Variants in ABCC8 observed in about 807,000 individuals in gnomAD.
ABCC8 encodes the protein ATP binding cassette subfamily C member 8, also known as ATP-binding cassette sub-family C member 8.
Under a neutral mutation model 188.0 loss-of-function variants are expected in ABCC8, and 137 were observed. The ratio of observed to expected loss-of-function variants is 0.73; its 90% CI spans 0.63 to 0.84. The LOEUF is 0.84. ABCC8 is among the 40% of genes least tolerant of loss of function. The pLI, the probability that ABCC8 is intolerant of heterozygous loss-of-function variation, is 0.00. For missense variants in ABCC8, 1,750 were observed against 2,072.7 expected, an observed-to-expected ratio of 0.84 and a Z score of 3.02; for synonymous variants, 797 against 846.5, an observed-to-expected ratio of 0.94 and a Z score of 1.01.
intron 6 of ABCC8, among the ~76,000 whole-genome samples, chr11:17,457,368 G>A (rs1385355240): frequency 6.6e-6 from 1 of 152,052 alleles, no homozygotes; most frequent in Non-Finnish European, 1.5e-5. Flanking sequence ...GAACTCATTC[G>A]GAAACACATA....
rs776122453 is a variant in ABCC8, at chr11:17,461,654, C to T, written c.751G>A (p.Gly251Arg). ...GCCCTCATGGCGATGGGCAGCTTCC[C>T]GATGGCTCGCAAGTCGATGGGCTTC... ...HKKPIDLRAI[G>R]KLPIAMRALT... The change falls in exon 5 of 39, where the codon GGG becomes AGG. Residue 251 changes from glycine to arginine, a missense_variant. By Grantham distance (125) the Gly-to-Arg change is moderately radical (BLOSUM62 -2). Coordinates refer to ENST00000389817, the MANE Select transcript of ABCC8 (RefSeq NM_000352.6). 1.7e-5 allele frequency: 27 copies of T among 1,614,246 alleles called. No individual in the cohort carries two copies. Among genetic ancestry groups the T allele is most frequent in the Non-Finnish European group, 2.1e-5 (25 of 1,180,044 alleles).
In ABCC8 at chr11:17,394,402, G is replaced by C; in HGVS notation, c.4412-3C>G. 8.7e-6 allele frequency: 14 copies of C among 1,614,216 alleles called. No individual in the cohort carries two copies. Among genetic ancestry groups the C allele is most frequent in the Non-Finnish European group, 1.1e-5 (13 of 1,180,052 alleles). On this transcript the variant is annotated splice_region_variant and splice_polypyrimidine_tract_variant and intron_variant, in intron 36 of 38. Transcript: ENST00000389817. Reference sequence around the variant, plus strand: ...CCCGCCTTCTGTGATGATGGCATCTGAAAACAGCCCGGGGAGATGAAGTAG... The same window carrying C: ...CCCGCCTTCTGTGATGATGGCATCTCAAAACAGCCCGGGGAGATGAAGTAG...
chr11:17,396,744 G>C, intron 33 of ABCC8, 172 bp downstream of exon 33: 2 of 788,286 alleles, frequency 2.5e-6, no homozygotes, highest in South Asian at 3.5e-5. Context: ...GCAATAGAAG[G>C]AGAGGAAAGA....
Position 17,460,602 on chromosome 11 carries a change from C to T in ABCC8, c.897G>A (p.Leu299=), listed in dbSNP as rs2133674894. 4 of 1,613,380 alleles carry T rather than the reference C, an allele frequency of 2.5e-6. No individual in the cohort carries two copies. The highest frequency in any genetic ancestry group is 3.4e-6 in the Non-Finnish European group (4 of 1,180,046). ...AGATGCGGAAAGTGCTGCTGAGGAC[C>T]AGGCGCCTCCCGAAGGCATGGCTGA... The part of the protein sequence containing the change: ...QALSHAFGRR[L]VLSSTFRILA... Residue 299 remains leucine, a synonymous_variant, in exon 6 of 39, where the codon CTG becomes CTA. Coordinates refer to ENST00000389817, the MANE Select transcript of ABCC8 (RefSeq NM_000352.6).
chr11:17,409,633 CAGAGCCAT>C (rs1459021931), intron 22 of ABCC8, among the ~76,000 whole-genome samples: 1 of 152,096 alleles, frequency 6.6e-6, no homozygotes, highest in Non-Finnish European at 1.5e-5. Flanking sequence ...GGAAAATAAG[CAGAGCCAT>C]TTGGCACCAG....
At chr11:17,437,904 G>A (rs1432870135) in intron 10 of ABCC8, among the ~76,000 whole-genome samples, 1 of 152,230 alleles carries the variant, frequency 6.6e-6, no homozygotes, top group Non-Finnish European at 1.5e-5. Context: ...TTTGAGACCA[G>A]GCTGGCCAAC....
chr11:17,436,082 C>A, intron 10 of ABCC8: 1 of 896,754 alleles, frequency 1.1e-6, no homozygotes. Flanking sequence ...TCTTCTTTGG[C>A]TGTGATTCCC....
intron 1 of ABCC8, among the ~76,000 whole-genome samples, 191 bp downstream of exon 1, chr11:17,476,438 G>C (rs954431564): frequency 6.6e-6 from 1 of 152,212 alleles, no homozygotes; most frequent in African/African-American, 2.4e-5. Context: ...CGGGGGCACC[G>C]GGGGAGTGAA....
At position 17,402,770 on chromosome 11, in the gene ABCC8, A is replaced by G; in HGVS notation, c.3558-17T>C. ...TGCAGGTCCCTGTGGCGGGGAACAG[A>G]GTGGAACAGTTAAGAGGGCAGGCTC... On this transcript the variant is annotated splice_polypyrimidine_tract_variant and intron_variant, in intron 28 of 38. Transcript: ENST00000389817. The G allele has an allele frequency of 6.2e-7, 1 of 1,614,144 alleles. No homozygotes were observed. Among genetic ancestry groups the G allele is most frequent in the Non-Finnish European group, 8.5e-7 (1 of 1,180,018 alleles).
At chr11:17,438,261 G>T (rs923989320) in intron 10 of ABCC8, among the ~76,000 whole-genome samples, 20 of 152,122 alleles carry the variant, frequency 1.3e-4, no homozygotes, top group Non-Finnish European at 2.5e-4. Flanking sequence ...GCACACAGAA[G>T]GTGGGCAGGA....
intron 8 of ABCC8, among the ~76,000 whole-genome samples, chr11:17,446,684 G>A (rs1055281826): frequency 3.3e-5 from 5 of 152,156 alleles, no homozygotes; most frequent in Admixed American, 6.5e-5. Context: ...AGAATGGAGC[G>A]GGGGCAGTCT....
At chr11:17,410,358 C>G in intron 22 of ABCC8, 158 bp downstream of exon 22, 2 of 827,164 alleles carry the variant, frequency 2.4e-6, no homozygotes, top group Non-Finnish European at 3.9e-6. Flanking sequence ...CAGGGTCTCC[C>G]TGAAATGCCC....
intron 3 of ABCC8, among the ~76,000 whole-genome samples, chr11:17,466,670 G>A (rs111411888): frequency 0.025 from 3,770 of 151,870 alleles, 158 homozygotes; most frequent in African/African-American, 0.087. Flanking sequence ...AGGCTGGAGT[G>A]CAGTGGCACA....
At position 17,430,914 on chromosome 11, in the gene ABCC8, G is replaced by A. The variant is rs1164281793; in HGVS notation, c.1717C>T (p.Pro573Ser). 1 of 1,614,252 alleles carries A rather than the reference G, an allele frequency of 6.2e-7. No individual in the cohort carries two copies. The highest frequency in any genetic ancestry group is 8.5e-7 in the Non-Finnish European group (1 of 1,180,028). The change falls in exon 12 of 39, where the codon CCC (proline) becomes TCC (serine). Residue 573 changes from proline (P) to serine (S), a missense_variant. Transcript: ENST00000389817. ...VSFFKEADFSPSVAFASLSLF... is the reference protein window; with the variant it reads ...VSFFKEADFSSSVAFASLSLF... Reference sequence around the variant, plus strand: ...GAGAGGGAGGCAAAGGCCACGGAGGGCGAGAAGTCGGCCTCTTTGAAGAAG... The same window carrying A: ...GAGAGGGAGGCAAAGGCCACGGAGGACGAGAAGTCGGCCTCTTTGAAGAAG...
In ABCC8 at chr11:17,427,307, T is replaced by G; in HGVS notation, c.2117-153A>C. On this transcript the variant is annotated intron_variant, in intron 15 of 38. Coordinates refer to ENST00000389817, the MANE Select transcript of ABCC8 (RefSeq NM_000352.6). This position sits in a 1 kb window ranked among gnomAD's most constrained non-coding sequence, Gnocchi z 5.0. ...CCCAGCAAGTCCTCTCCCTCTTTAA[T>G]CCTTTCCTTCTGGAAATCAACATCC... The G allele has an allele frequency of 1.1e-6, 1 of 924,566 alleles. No individual in the cohort carries two copies. The highest frequency in any genetic ancestry group is 1.3e-6 in the Non-Finnish European group (1 of 774,536). 57.3% of individuals were successfully genotyped at this position (924,566 alleles called of 1,614,324 possible).
At chr11:17,443,044 GCC>G in intron 9 of ABCC8, 132 bp downstream of exon 9, 1 of 1,497,372 alleles carries the variant, frequency 6.7e-7, no homozygotes. Context: ...AGAAGCTGAG[GCC>G]TGGACAGGTG....
chr11:17,432,313 T>C (rs1955885749), intron 10 of ABCC8, 69 bp from the exon 11 acceptor site: 1 of 1,551,508 alleles, frequency 6.4e-7, no homozygotes. Flanking sequence ...ATGCCCAGGA[T>C]GGCTTGGAGG....
chr11:17,397,400 G>C (rs1953995636), intron 31 of ABCC8, 87 bp from the exon 32 acceptor site: 2 of 1,591,920 alleles, frequency 1.3e-6, no homozygotes, highest in Non-Finnish European at 1.7e-6. Context: ...AGGCTGGAGA[G>C]GGGCCAGGGC....
rs138205219 is a variant in ABCC8, at chr11:17,450,951, C to T, written c.1176+2168G>A. 2.3e-3 allele frequency among the ~76,000 whole-genome samples: 351 copies of T among 151,186 alleles called. 1 individual carries two copies. The highest frequency in any genetic ancestry group is 3.9e-3 in the Admixed American group (59 of 15,168). The stretch of plus-strand genomic sequence containing the variant: ...ATCCACCCGCCTCAGCCTCCCAAAG[C>T]GCTGGGATTACAGTCATGAGCCATT... On this transcript the variant is annotated intron_variant, in intron 7 of 38. Transcript: ENST00000389817.
Sources: allele counts gnomAD v4.1 joint callset (sites outside exome capture counted in the v4.1 genomes callset), GRCh38; gene constraint gnomAD v4.1.1; non-coding constraint Gnocchi (gnomAD v3.1); transcripts MANE v1.5; gene names NCBI Gene and HGNC (gene_info 2026-07-23, HGNC 2026-07-21).